ARMC9: variants seen among roughly 807,000 people sequenced by gnomAD.
ARMC9 encodes the protein lisH domain-containing protein ARMC9.
A neutral mutation model predicts 107.0 loss-of-function variants in ARMC9; 94 were observed. That is an observed-to-expected ratio of 0.88 (90% CI 0.74 to 1.04). The LOEUF is 1.04. Among genes scored for constraint, ARMC9 ranks in the 50% least tolerant of loss-of-function variants. The pLI, the probability that ARMC9 is intolerant of heterozygous loss-of-function variation, is 0.00. For synonymous variants in ARMC9, 380 were observed against 396.9 expected (o/e 0.96, Z 0.51); for missense variants, 942 against 1,030.1 (o/e 0.91, Z 1.17).
intron 12 of ARMC9, chr2:231,270,432 G>A: frequency 2.8e-6 from 1 of 358,338 alleles, no homozygotes; most frequent in Non-Finnish European, 5.5e-6. Context: ...GCTCTTAAGT[G>A]CTTTGAGGAG....
intron 21 of ARMC9, 44 bp downstream of exon 21, chr2:231,345,134 T>C (rs1216612317): frequency 6.2e-7 from 1 of 1,604,200 alleles, no homozygotes; most frequent in African/African-American, 1.3e-5. Flanking sequence ...TTCTTAAGCT[T>C]TGTTTTGATT....
intron 23 of ARMC9, among the ~76,000 whole-genome samples, chr2:231,365,419 A>G (rs150332581): frequency 2.1e-4 from 32 of 152,244 alleles, no homozygotes; most frequent in African/African-American, 5.3e-4. Flanking sequence ...TGTGTTTGCA[A>G]TGCTGCTGAG....
chr2:231,306,348 A>T (rs148519047), intron 19 of ARMC9, among the ~76,000 whole-genome samples: 2 of 152,360 alleles, frequency 1.3e-5, no homozygotes, highest in Admixed American at 6.5e-5. Context: ...TACCTGATAC[A>T]TAAAGACTTG....
chr2:231,251,790 A>G (rs921716870), intron 9 of ARMC9, among the ~76,000 whole-genome samples: 11 of 152,042 alleles, frequency 7.2e-5, no homozygotes, highest in East Asian at 3.9e-4. Context: ...CAGTGGTACA[A>G]TCATAGCTCA....
chr2:231,329,439 A>G (rs556228266), intron 19 of ARMC9, among the ~76,000 whole-genome samples: 4 of 151,698 alleles, frequency 2.6e-5, no homozygotes, highest in Non-Finnish European at 4.4e-5. Flanking sequence ...GCCTCTGAGT[A>G]GCTGGGATTA....
At chr2:231,315,722 G>C (rs1461512493) in intron 19 of ARMC9, among the ~76,000 whole-genome samples, 1 of 122,846 alleles carries the variant, frequency 8.1e-6, no homozygotes, top group Non-Finnish European at 1.6e-5. Flanking sequence ...AAATTGTTTT[G>C]TTTAATATTC....
At chr2:231,256,301 C>T (rs577545127) in intron 9 of ARMC9, 98 of 1,554,792 alleles carry the variant, frequency 6.3e-5, no homozygotes, top group Non-Finnish European at 8.1e-5. Flanking sequence ...CCGGAGGTTG[C>T]GCTGAGCTTG....
rs144388331 is a variant in ARMC9, at chr2:231,214,843, G to A, written c.190G>A (p.Ala64Thr). 9 of 1,613,976 alleles carry A rather than the reference G, an allele frequency of 5.6e-6. No homozygotes were observed. Among genetic ancestry groups the A allele is most frequent in the African/African-American group, 5.3e-5 (4 of 75,024 alleles). Residue 64 changes from alanine to threonine, a missense_variant, in exon 4 of 25, where the codon GCT becomes ACT. Coordinates refer to ENST00000611582, the MANE Select transcript of ARMC9 (RefSeq NM_001352754.2). Reference sequence around the variant, plus strand: ...GTCTTCTCCACAGAAGGATCTTGTCGCTGCATTTGACAACGGAGACCAGAA... The same window carrying A: ...GTCTTCTCCACAGAAGGATCTTGTCACTGCATTTGACAACGGAGACCAGAA... The part of the protein sequence containing the change: ...KSLTIQKDLV[A>T]AFDNGDQKVF...
chr2:231,246,959 A>T (rs1574779269), intron 9 of ARMC9, among the ~76,000 whole-genome samples: 1 of 144,648 alleles, frequency 6.9e-6, no homozygotes. Context: ...CACTTGGCTA[A>T]TTTTTTTTTT....
intron 21 of ARMC9, 166 bp downstream of exon 21, chr2:231,345,256 C>A (rs777832543): frequency 1.5e-6 from 2 of 1,302,290 alleles, no homozygotes; most frequent in Non-Finnish European, 2.0e-6. Flanking sequence ...GAGTCCTTCT[C>A]CCTTCCCCCA....
intron 8 of ARMC9, among the ~76,000 whole-genome samples, chr2:231,237,755 A>ATATATG (rs59606356): frequency 0.04 from 869 of 21,974 alleles, 31 homozygotes; most frequent in East Asian, 0.18. Context: ...GGCTATATGT[A>ATATATG]TATATATATA....
At chr2:231,301,675 A>T (rs1006888877) in intron 19 of ARMC9, among the ~76,000 whole-genome samples, 1 of 152,018 alleles carries the variant, frequency 6.6e-6, no homozygotes, top group Non-Finnish European at 1.5e-5. Context: ...CTTTTTTAAA[A>T]TTTTTTTTAA....
At chr2:231,308,154 T>TC (rs1209799531) in intron 19 of ARMC9, among the ~76,000 whole-genome samples, 1 of 152,224 alleles carries the variant, frequency 6.6e-6, no homozygotes, top group Non-Finnish European at 1.5e-5. Flanking sequence ...GTGTTCAAGT[T>TC]CACTGGGGAC....
chr2:231,333,643 G>T (rs749133834), intron 20 of ARMC9, among the ~76,000 whole-genome samples: 1 of 152,322 alleles, frequency 6.6e-6, no homozygotes, highest in East Asian at 1.9e-4. Context: ...ACGCGGCTCC[G>T]TGTGATTGGT....
intron 17 of ARMC9, among the ~76,000 whole-genome samples, chr2:231,287,573 G>T (rs373217424): frequency 6.6e-6 from 1 of 151,786 alleles, no homozygotes; most frequent in Non-Finnish European, 1.5e-5. Context: ...TCCTTTCGAC[G>T]GGGTCTCACT....
At chr2:231,289,741 T>C (rs918165185) in intron 17 of ARMC9, among the ~76,000 whole-genome samples, 2 of 152,174 alleles carry the variant, frequency 1.3e-5, no homozygotes, top group Non-Finnish European at 1.5e-5. Context: ...CATGGACAAC[T>C]TTCCAGAGTT....
At chr2:231,311,402 C>T (rs1202680874) in intron 19 of ARMC9, among the ~76,000 whole-genome samples, 5 of 152,106 alleles carry the variant, frequency 3.3e-5, no homozygotes, top group Admixed American at 6.6e-5. Context: ...TCCTCACTAC[C>T]GGCACAGCAC....
chr2:231,219,979 G>A (rs894405160), intron 5 of ARMC9, among the ~76,000 whole-genome samples: 4 of 152,046 alleles, frequency 2.6e-5, no homozygotes, highest in South Asian at 2.1e-4. Flanking sequence ...ATAGGCGTGC[G>A]CCACCACCAT....
chr2:231,291,587 G>A, intron 18 of ARMC9, 144 bp downstream of exon 18: 1 of 695,616 alleles, frequency 1.4e-6, no homozygotes, highest in Non-Finnish European at 2.4e-6. Context: ...GGAGGCCGAG[G>A]TGGGTGGATC....
Sources: gnomAD v4.1 joint callset for allele counts (sites outside exome capture counted in the v4.1 genomes callset) on GRCh38, gnomAD v4.1.1 for gene constraint, MANE v1.5 for transcripts, NCBI Gene and HGNC (gene_info 2026-07-23, HGNC 2026-07-21) for gene names.